The following CTIF variants were observed in gnomAD, a reference collection of about 807,000 sequenced individuals.
The protein encoded by CTIF is CBP80/20-dependent translation initiation factor.
In CTIF, 21 loss-of-function variants were observed where a neutral mutation model predicts 66.0. The ratio of observed to expected loss-of-function variants is 0.32; its 90% CI spans 0.23 to 0.46. The LOEUF is 0.46. CTIF is among the 20% of genes least tolerant of loss of function. CTIF has a pLI of 1.00. For missense variants in CTIF, 739 were observed against 812.7 expected (o/e 0.91, Z 1.10); for synonymous variants, 345 against 326.4 (o/e 1.06, Z -0.62).
At chr18:48,610,596 C>T (rs1222192768) in intron 1 of CTIF, among the ~76,000 whole-genome samples, 1 of 152,240 alleles carries the variant, frequency 6.6e-6, no homozygotes. Flanking sequence ...CTCTCCCTTC[C>T]TCCCTCTCCA....
At chr18:48,790,232 C>T (rs1702307354) in intron 9 of CTIF, among the ~76,000 whole-genome samples, 1 of 152,252 alleles carries the variant, frequency 6.6e-6, no homozygotes, top group South Asian at 2.1e-4. Flanking sequence ...TCTGTGAGTA[C>T]AGCCACCTCC....
At chr18:48,852,401 C>T (rs902514177) in intron 10 of CTIF, among the ~76,000 whole-genome samples, 3 of 152,120 alleles carry the variant, frequency 2.0e-5, no homozygotes, top group South Asian at 2.1e-4. Context: ...ACCAGCCCCT[C>T]GCAGTTGGAT....
chr18:48,549,743 G>A (rs2088838813), intron 1 of CTIF, among the ~76,000 whole-genome samples: 1 of 152,182 alleles, frequency 6.6e-6, no homozygotes, highest in African/African-American at 2.4e-5. Context: ...AAGAGAAACG[G>A]GTCAGTACCC....
chr18:48,714,526 GAGC>G (rs1450165082), intron 7 of CTIF, among the ~76,000 whole-genome samples: 2 of 152,130 alleles, frequency 1.3e-5, no homozygotes, highest in African/African-American at 2.4e-5. Flanking sequence ...CAGGCAGCAT[GAGC>G]GTGCTGCTGA....
intron 3 of CTIF, among the ~76,000 whole-genome samples, chr18:48,639,624 T>C (rs2144656509): frequency 6.6e-6 from 1 of 152,316 alleles, no homozygotes; most frequent in Admixed American, 6.5e-5. Context: ...ACAGGCTTTA[T>C]TTTTAGACAT....
At position 48,834,205 on chromosome 18, in the gene CTIF, A is replaced by G. The variant is rs1302165268; in HGVS notation, c.1527+16829A>G. Among the ~76,000 whole-genome samples the G allele has an allele frequency of 2.0e-5, 3 of 152,318 alleles. No homozygotes were observed. In the East Asian group the frequency reaches 5.8e-4, roughly 29 times the overall value. On this transcript the variant is annotated intron_variant, in intron 10 of 11. Coordinates refer to ENST00000256413, the MANE Select transcript of CTIF (RefSeq NM_014772.3). The stretch of plus-strand genomic sequence containing the variant: ...GTGTAGGGCGTGAGCAGCAGCATGT[A>G]ACCAGGAGAGCAAGCGCCTCCACTC...
At chr18:48,685,244 T>C (rs2091820014) in intron 6 of CTIF, among the ~76,000 whole-genome samples, 1 of 152,032 alleles carries the variant, frequency 6.6e-6, no homozygotes, top group South Asian at 2.1e-4. Context: ...TTTCTTGAGA[T>C]GGAGTTTTGC....
chr18:48,708,855 A>G (rs951938794), intron 6 of CTIF, among the ~76,000 whole-genome samples: 1 of 152,092 alleles, frequency 6.6e-6, no homozygotes, highest in Non-Finnish European at 1.5e-5. Context: ...CCTCCCTGCA[A>G]ATCACTTCCT....
chr18:48,661,441 A>T (rs890641857), intron 3 of CTIF, among the ~76,000 whole-genome samples: 1 of 152,082 alleles, frequency 6.6e-6, no homozygotes, highest in Non-Finnish European at 1.5e-5. Flanking sequence ...TGCTATCCCC[A>T]ATGATAATTA....
At chr18:48,736,538 G>A (rs769013330) in intron 7 of CTIF, among the ~76,000 whole-genome samples, 12 of 152,188 alleles carry the variant, frequency 7.9e-5, no homozygotes, top group South Asian at 2.1e-4. Flanking sequence ...CTGTTCCTCC[G>A]ATGATTTTCC....
chr18:48,637,207 C>A (rs908830338), intron 3 of CTIF, among the ~76,000 whole-genome samples: 3 of 152,200 alleles, frequency 2.0e-5, no homozygotes, highest in African/African-American at 7.2e-5. Flanking sequence ...AGTCCTGGGA[C>A]CCCGCCAGAG....
At chr18:48,647,683 G>A (rs1426389680) in intron 3 of CTIF, among the ~76,000 whole-genome samples, 2 of 152,230 alleles carry the variant, frequency 1.3e-5, no homozygotes, top group Non-Finnish European at 2.9e-5. Context: ...CTTACATGGA[G>A]ATTCCACATA....
rs892473113 is a variant in CTIF, at chr18:48,849,191, CTT to C, written c.1528-8374_1528-8373del. The stretch of plus-strand genomic sequence containing the variant: ...AGAGGGTGCCTGCTCCTACCAATGC[CTT>C]TTTTTTTTTTTTTTTTTTTTTTGAG... On this transcript the variant is annotated intron_variant, in intron 10 of 11. Coordinates refer to ENST00000256413, the MANE Select transcript of CTIF (RefSeq NM_014772.3). 2.5e-3 allele frequency among the ~76,000 whole-genome samples: 250 copies of C among 98,980 alleles called. 1 individual carries two copies. The highest frequency in any genetic ancestry group is 1.0e-2 in the African/African-American group (226 of 22,628). 64.9% of individuals were successfully genotyped at this position (98,980 alleles called of 152,430 possible).
intron 9 of CTIF, among the ~76,000 whole-genome samples, chr18:48,787,814 C>T (rs895349509): frequency 1.3e-5 from 2 of 152,176 alleles, no homozygotes; most frequent in Non-Finnish European, 2.9e-5. Context: ...CAACTCCTGC[C>T]CAATTCTTCT....
intron 6 of CTIF, among the ~76,000 whole-genome samples, chr18:48,674,791 A>G (rs2091597872): frequency 3.3e-5 from 5 of 152,240 alleles, no homozygotes. Context: ...CCCTGCTGCC[A>G]GGAATAGTTC....
At chr18:48,602,834 GATGGATGGATGGATGA>G (rs1199383390) in intron 1 of CTIF, among the ~76,000 whole-genome samples, 379 of 148,412 alleles carry the variant, frequency 2.6e-3, no homozygotes, top group African/African-American at 9.3e-3. Context: ...TGGATGAATG[GATGGATGGATGGATGA>G]ATGGATGGAT....
intron 2 of CTIF, among the ~76,000 whole-genome samples, chr18:48,630,578 A>G (rs1422496183): frequency 6.6e-6 from 1 of 151,718 alleles, no homozygotes; most frequent in Admixed American, 6.6e-5. Context: ...CCATTTGTAC[A>G]TTAATTTGCT....
chr18:48,751,301 T>C (rs1907785653), intron 7 of CTIF, among the ~76,000 whole-genome samples: 1 of 152,194 alleles, frequency 6.6e-6, no homozygotes. Flanking sequence ...GTTCCGCTCA[T>C]TATGTGGCCA....
chr18:48,762,073 G>A (rs928956863), intron 9 of CTIF, among the ~76,000 whole-genome samples: 5 of 152,150 alleles, frequency 3.3e-5, no homozygotes, highest in Non-Finnish European at 7.3e-5. Context: ...TTCCACCCAG[G>A]GCTAGGTCCT....
Sources: allele counts gnomAD v4.1 joint callset (sites outside exome capture counted in the v4.1 genomes callset), GRCh38; gene constraint gnomAD v4.1.1; transcripts MANE v1.5; gene names NCBI Gene and HGNC (gene_info 2026-07-23, HGNC 2026-07-21).